Variants in SH3KBP1 observed in about 807,000 individuals in gnomAD.
SH3KBP1 encodes the protein SH3 domain-containing kinase-binding protein 1.
Under a neutral mutation model 50.1 loss-of-function variants are expected in SH3KBP1, and 8 were observed. The ratio of observed to expected loss-of-function variants is 0.16; its 90% confidence interval spans 0.09 to 0.29. SH3KBP1 has a LOEUF of 0.29. Among genes scored for constraint, SH3KBP1 ranks in the 10% least tolerant of loss-of-function variants. The probability of loss-of-function intolerance (pLI) is 1.00; values close to 1 mark genes in which losing one functional copy is unlikely to be tolerated. For synonymous variants in SH3KBP1, 227 were observed against 218.6 expected (o/e 1.04, Z -0.34); for missense variants, 377 against 535.2 (o/e 0.70, Z 2.92).
Position 19,641,535 on chromosome X carries a change from G to A in SH3KBP1, c.802+3865C>T, listed in dbSNP as rs745767624. ...AACTGTTTTCCAAGCATAAAATTTC[G>A]TAAGCAAGTGTTTCAAACATGTTTT... On this transcript the variant is annotated intron_variant, in intron 7 of 17. Coordinates refer to ENST00000397821, the MANE Select transcript of SH3KBP1 (RefSeq NM_031892.3). Among the ~76,000 whole-genome samples the A allele has an allele frequency of 5.0e-4, 56 of 111,698 alleles. No individual in the cohort carries two copies. In the South Asian group the frequency reaches 5.2e-3, roughly 10 times the overall value.
At chrX:19,843,922 G>A (rs2068294215) in intron 1 of SH3KBP1, among the ~76,000 whole-genome samples, 1 of 111,534 alleles carries the variant, frequency 9.0e-6, no homozygotes, top group Non-Finnish European at 1.9e-5. Flanking sequence ...CAAGGAACCT[G>A]AGCCTCCCAG....
intron 3 of SH3KBP1, among the ~76,000 whole-genome samples, chrX:19,716,697 G>A (rs1342790518): frequency 1.8e-5 from 2 of 111,611 alleles, no homozygotes; most frequent in African/African-American, 6.5e-5. Flanking sequence ...CAGGAACCAC[G>A]CTTGGCATGT....
chrX:19,857,979 G>A (rs996766497), intron 1 of SH3KBP1, among the ~76,000 whole-genome samples: 1 of 110,583 alleles, frequency 9.0e-6, no homozygotes, highest in African/African-American at 3.3e-5. Context: ...AGGAGTTCGA[G>A]ACCAGCCTGG....
intron 13 of SH3KBP1, among the ~76,000 whole-genome samples, chrX:19,559,746 C>A (rs1262908437): frequency 1.8e-5 from 2 of 111,266 alleles, no homozygotes; most frequent in African/African-American, 6.5e-5. Flanking sequence ...TAATGGTCTA[C>A]CACCAAACAA....
At chrX:19,832,794 G>C (rs2067936725) in intron 2 of SH3KBP1, among the ~76,000 whole-genome samples, 1 of 111,910 alleles carries the variant, frequency 8.9e-6, no homozygotes, top group South Asian at 3.7e-4. Flanking sequence ...GGGCAATGCG[G>C]AGACCTTCTG....
chrX:19,623,264 A>G lies in SH3KBP1; in HGVS notation c.897+8600T>C, dbSNP rs746961459. Among the ~76,000 whole-genome samples, 7 of 111,825 alleles carry G rather than the reference A, an allele frequency of 6.3e-5. No individual in the cohort carries two copies. The East Asian group carries it at 2.0e-3, about 31-fold the overall frequency. ...AAAGTCTGAAAGAATAATTGCGAAA[A>G]TATTAAGAGGTATGTGAAGGTGGTA... On this transcript the variant is annotated intron_variant, in intron 8 of 17. Transcript: ENST00000397821.
At chrX:19,573,766 G>A (rs1005036553) in intron 12 of SH3KBP1, among the ~76,000 whole-genome samples, 11 of 111,117 alleles carry the variant, frequency 9.9e-5, no homozygotes, top group Non-Finnish European at 1.9e-4. Context: ...CATCTCTCCC[G>A]GGAACTGGTT....
intron 2 of SH3KBP1, among the ~76,000 whole-genome samples, chrX:19,810,407 T>C (rs963584730): frequency 1.8e-5 from 2 of 112,633 alleles, no homozygotes; most frequent in African/African-American, 6.5e-5. Flanking sequence ...TAAAATGGGC[T>C]GAATCTACCA....
At chrX:19,542,703 G>C (rs1417396903) in intron 15 of SH3KBP1, among the ~76,000 whole-genome samples, 1 of 111,903 alleles carries the variant, frequency 8.9e-6, no homozygotes, top group East Asian at 2.8e-4. Context: ...CCGTCTTGGA[G>C]GAGGACCAAG....
chrX:19,800,682 C>T (rs1183933147), intron 2 of SH3KBP1, among the ~76,000 whole-genome samples: 1 of 112,019 alleles, frequency 8.9e-6, no homozygotes, highest in East Asian at 2.8e-4. Flanking sequence ...ATTATCAGAA[C>T]CTCCTGAATT....
At chrX:19,654,956 C>T (rs970424200) in intron 6 of SH3KBP1, among the ~76,000 whole-genome samples, 3 of 111,910 alleles carry the variant, frequency 2.7e-5, no homozygotes, top group African/African-American at 6.5e-5. Flanking sequence ...AAATATTTTA[C>T]GTATTCAATC....
intron 3 of SH3KBP1, among the ~76,000 whole-genome samples, chrX:19,710,587 G>A (rs979990422): frequency 8.9e-6 from 1 of 111,842 alleles, no homozygotes; most frequent in Non-Finnish European, 1.9e-5. Flanking sequence ...TGTTAGTGTT[G>A]TATTTTATTA....
At chrX:19,699,861 G>T (rs2063504520) in intron 4 of SH3KBP1, among the ~76,000 whole-genome samples, 1 of 111,780 alleles carries the variant, frequency 8.9e-6, no homozygotes, top group African/African-American at 3.3e-5. Flanking sequence ...CTCCCTGTGA[G>T]TGCTTGGCTA....
At chrX:19,828,682 G>A (rs1046644194) in intron 2 of SH3KBP1, among the ~76,000 whole-genome samples, 1 of 111,471 alleles carries the variant, frequency 9.0e-6, no homozygotes, top group African/African-American at 3.3e-5. Context: ...TACTTGGGAG[G>A]CTGTGGCAAG....
chrX:19,630,859 A>G (rs936200938), intron 8 of SH3KBP1, among the ~76,000 whole-genome samples: 1 of 111,742 alleles, frequency 8.9e-6, no homozygotes, highest in East Asian at 2.8e-4. Context: ...CTTACTGATC[A>G]CCTTATGGAC....
At chrX:19,543,238 G>A (rs2064985319) in intron 15 of SH3KBP1, among the ~76,000 whole-genome samples, 1 of 111,738 alleles carries the variant, frequency 8.9e-6, no homozygotes, top group South Asian at 3.8e-4. Flanking sequence ...GAGGAGGAAG[G>A]ACAGATCAGG....
intron 9 of SH3KBP1, among the ~76,000 whole-genome samples, chrX:19,605,210 C>T (rs1015212855): frequency 9.0e-6 from 1 of 110,867 alleles, no homozygotes; most frequent in African/African-American, 3.3e-5. Flanking sequence ...ATGCTTTACC[C>T]ATTTGTTAAA....
Position 19,842,439 on chromosome X carries a change from T to C in SH3KBP1, c.5-6157A>G, listed in dbSNP as rs186396078. ...TACTCAGGAGGCTGAGGCAGGAGAA[T>C]AGCTTGAACCCCAGAGGCAGAGGTT... On this transcript the variant is annotated intron_variant, in intron 1 of 17. Coordinates refer to ENST00000397821, the MANE Select transcript of SH3KBP1 (RefSeq NM_031892.3). 8.6e-3 allele frequency among the ~76,000 whole-genome samples: 953 copies of C among 111,063 alleles called. 16 individuals carry two copies. The highest frequency in any genetic ancestry group is 0.029 in the African/African-American group (901 of 30,569).
At chrX:19,544,119 G>C (rs1418976457) in intron 15 of SH3KBP1, among the ~76,000 whole-genome samples, 3 of 110,784 alleles carry the variant, frequency 2.7e-5, no homozygotes, top group African/African-American at 9.9e-5. Flanking sequence ...TAGAGGGAGA[G>C]ACTGGGCAGA....
Sources: allele counts gnomAD v4.1 joint callset (sites outside exome capture counted in the v4.1 genomes callset), GRCh38; gene constraint gnomAD v4.1.1; transcripts MANE v1.5; gene names NCBI Gene and HGNC (gene_info 2026-07-23, HGNC 2026-07-21).